The following CDK8 variants were observed in gnomAD, a reference collection of about 807,000 sequenced individuals.
The protein encoded by CDK8 is cyclin dependent kinase 8, also known as cyclin-dependent kinase 8.
CDK8 carries 29 observed loss-of-function variants against 71.5 expected under a neutral mutation model. That is an observed-to-expected ratio of 0.41 (90% CI 0.30 to 0.55). The LOEUF is 0.55. Ranked by LOEUF, CDK8 falls within the 20% of genes least tolerant of loss-of-function variation. CDK8 has a pLI of 0.37. For synonymous variants in CDK8, 161 were observed against 192.1 expected, an observed-to-expected ratio of 0.84 and a Z score of 1.34; for missense variants, 288 against 572.6, an observed-to-expected ratio of 0.50 and a Z score of 5.07.
At chr13:26,260,735 A>G (rs966349956) in intron 1 of CDK8, among the ~76,000 whole-genome samples, 5 of 152,206 alleles carry the variant, frequency 3.3e-5, no homozygotes, top group African/African-American at 7.2e-5. Flanking sequence ...TGCAAACGTA[A>G]CTACTTTGAC....
At chr13:26,271,806 CTTTTTTTTTTTTTTTTTT>C (rs58160694) in intron 1 of CDK8, among the ~76,000 whole-genome samples, 6,363 of 62,678 alleles carry the variant, frequency 0.1, 327 homozygotes, top group South Asian at 0.14. Context: ...GAGACCCTGT[CTTTTTTTTTTTTTTTTTT>C]TTTTTTTTTT....
intron 1 of CDK8, among the ~76,000 whole-genome samples, chr13:26,334,360 A>G (rs1872889552): frequency 6.6e-6 from 1 of 152,198 alleles, no homozygotes; most frequent in Non-Finnish European, 1.5e-5. Context: ...AATGTGTTAT[A>G]CCCTTGGATT....
intron 1 of CDK8, among the ~76,000 whole-genome samples, chr13:26,274,720 C>T (rs893203733): frequency 6.6e-5 from 10 of 152,042 alleles, no homozygotes; most frequent in East Asian, 1.9e-4. Context: ...TGTGAGCCAC[C>T]GCGTCTGGCC....
chr13:26,343,119 G>C (rs1873310329), intron 2 of CDK8, among the ~76,000 whole-genome samples: 2 of 152,124 alleles, frequency 1.3e-5, no homozygotes, highest in Non-Finnish European at 2.9e-5. Context: ...TCCAAATACA[G>C]TCATGCATCA....
chr13:26,286,115 C>G (rs1873006884), intron 1 of CDK8, among the ~76,000 whole-genome samples: 1 of 152,082 alleles, frequency 6.6e-6, no homozygotes, highest in African/African-American at 2.4e-5. Flanking sequence ...AATGCAATTC[C>G]CATCAAAATA....
intron 4 of CDK8, among the ~76,000 whole-genome samples, chr13:26,365,556 T>C (rs1488346704): frequency 1.3e-5 from 2 of 152,118 alleles, no homozygotes; most frequent in East Asian, 3.9e-4. Flanking sequence ...AGAATGGTTA[T>C]TCTAAATTAT....
intron 1 of CDK8, among the ~76,000 whole-genome samples, chr13:26,333,196 A>G (rs1872832666): frequency 1.3e-5 from 2 of 151,766 alleles, no homozygotes; most frequent in Non-Finnish European, 2.9e-5. Context: ...CTGGAGTGCA[A>G]TGGCGCAATC....
At chr13:26,335,441 G>C (rs896883002) in intron 1 of CDK8, among the ~76,000 whole-genome samples, 1 of 151,896 alleles carries the variant, frequency 6.6e-6, no homozygotes, top group Non-Finnish European at 1.5e-5. Flanking sequence ...TTGTGGCTTC[G>C]ATCACTGTGT....
At chr13:26,337,435 CGACATTGTAT>C in intron 1 of CDK8, 122 bp from the exon 2 acceptor site, 1 of 320,272 alleles carries the variant, frequency 3.1e-6, no homozygotes, top group Middle Eastern at 9.8e-4. Context: ...TTTCCTTGTA[CGACATTGTAT>C]GATTATATTG....
chr13:26,360,942 T>C (rs1874111236), intron 4 of CDK8, among the ~76,000 whole-genome samples: 1 of 152,184 alleles, frequency 6.6e-6, no homozygotes, highest in South Asian at 2.1e-4. Context: ...AGAACTCAGC[T>C]CTTACTAGTC....
intron 9 of CDK8, among the ~76,000 whole-genome samples, chr13:26,399,693 T>C (rs980291902): frequency 2.6e-5 from 4 of 152,248 alleles, no homozygotes; most frequent in African/African-American, 9.6e-5. Flanking sequence ...CCATTATAAT[T>C]GCTCTCCATA....
chr13:26,281,084 G>A (rs1028622209), intron 1 of CDK8, among the ~76,000 whole-genome samples: 2 of 152,240 alleles, frequency 1.3e-5, no homozygotes, highest in Non-Finnish European at 2.9e-5. Flanking sequence ...CAAGGTAGGA[G>A]AAAACAATAG....
At chr13:26,282,874 TA>T (rs1872818533) in intron 1 of CDK8, among the ~76,000 whole-genome samples, 1 of 43,092 alleles carries the variant, frequency 2.3e-5, no homozygotes, top group Non-Finnish European at 1.0e-4. Flanking sequence ...TGGAAAAAGA[TA>T]TTTCATGCAA....
chr13:26,394,963 A>G (rs149846817), intron 7 of CDK8, among the ~76,000 whole-genome samples: 12 of 152,322 alleles, frequency 7.9e-5, no homozygotes, highest in African/African-American at 2.9e-4. Context: ...GGCAGATGGA[A>G]ATGTTTTATA....
At chr13:26,316,388 T>C (rs1452281778) in intron 1 of CDK8, among the ~76,000 whole-genome samples, 3 of 151,990 alleles carry the variant, frequency 2.0e-5, no homozygotes, top group Non-Finnish European at 2.9e-5. Context: ...AAGAGAGATA[T>C]AGGCAAGGAG....
intron 2 of CDK8, among the ~76,000 whole-genome samples, chr13:26,348,392 G>C (rs1205049161): frequency 6.6e-6 from 1 of 152,164 alleles, no homozygotes; most frequent in Non-Finnish European, 1.5e-5. Flanking sequence ...CCTGAGCTCT[G>C]CCTCCTGTCA....
chr13:26,283,858 A>G (rs1593237925), intron 1 of CDK8, among the ~76,000 whole-genome samples: 1 of 150,914 alleles, frequency 6.6e-6, no homozygotes, highest in East Asian at 1.9e-4. Flanking sequence ...AGATCATGCC[A>G]CTGCACTGCA....
In CDK8 at chr13:26,254,418, C is replaced by T. The variant is rs1871419671; in HGVS notation, c.-224C>T. On this transcript the variant is annotated 5_prime_UTR_variant, in exon 1 of 13. Coordinates refer to ENST00000381527, the MANE Select transcript of CDK8 (RefSeq NM_001260.3). This position sits in a 1 kb window ranked among gnomAD's most constrained non-coding sequence, Gnocchi z 6.7. The stretch of plus-strand genomic sequence containing the variant: ...CTCTCCTTCGCCGGGGGATCCTCCC[C>T]GTTCCTCCACCCCCGGCCGGCCTCT... 2 of 409,276 alleles carry T rather than the reference C, an allele frequency of 4.9e-6. No individual in the cohort carries two copies. The highest frequency in any genetic ancestry group is 5.6e-5 in the South Asian group (2 of 35,688). The allele number at this position is 409,276 out of a possible 1,614,324, so 25.4% of individuals were successfully genotyped here. A position where few individuals can be genotyped will look rare whatever the true frequency, so the allele number is the denominator to read the frequency against.
At chr13:26,386,151 A>G (rs1349059306) in intron 6 of CDK8, among the ~76,000 whole-genome samples, 3 of 152,048 alleles carry the variant, frequency 2.0e-5, no homozygotes, top group Non-Finnish European at 2.9e-5. Flanking sequence ...TCCCCTACCA[A>G]CCTCTCAATC....
Sources: allele counts gnomAD v4.1 joint callset (sites outside exome capture counted in the v4.1 genomes callset), GRCh38; gene constraint gnomAD v4.1.1; non-coding constraint Gnocchi (gnomAD v3.1); transcripts MANE v1.5; gene names NCBI Gene and HGNC (gene_info 2026-07-23, HGNC 2026-07-21).